The following SPEM1 variants were observed in gnomAD, a reference collection of about 807,000 sequenced individuals.
The protein encoded by SPEM1 is spermatid maturation 1, also known as spermatid maturation protein 1.
A neutral mutation model predicts 9.0 loss-of-function variants in SPEM1; 10 were observed. The ratio of observed to expected loss-of-function variants is 1.11; its 90% CI spans 0.68 to 1.88. SPEM1 has a LOEUF of 1.88. SPEM1 is among the 40% of genes most tolerant of loss of function. The pLI is 0.00. For missense variants in SPEM1, 401 were observed against 408.6 expected, an observed-to-expected ratio of 0.98 and a Z score of 0.16; for synonymous variants, 175 against 157.8, an observed-to-expected ratio of 1.11 and a Z score of -0.82.
In SPEM1 at chr17:7,420,950, A is replaced by G. The variant is rs1907370759; in HGVS notation, c.275A>G (p.His92Arg). The G allele has an allele frequency of 1.9e-6, 3 of 1,613,952 alleles. No homozygotes were observed. The highest frequency in any genetic ancestry group is 2.5e-6 in the Non-Finnish European group (3 of 1,180,018). Reference sequence around the variant, plus strand: ...AAGAAGCAGAGTTCTCCTGCAGTCCATCTTCGGTGCACCATGGACCCTGTG... The same window carrying G: ...AAGAAGCAGAGTTCTCCTGCAGTCCGTCTTCGGTGCACCATGGACCCTGTG... ...PPKKQSSPAV[H>R]LRCTMDPVMM... The change falls in exon 3 of 3, where the codon CAT becomes CGT. Residue 92 changes from histidine (H) to arginine (R), a missense_variant. His to Arg is a conservative substitution (Grantham distance 29). Transcript: ENST00000323675.
rs1223994025 is a variant in SPEM1, at chr17:7,421,067, A to G, written c.392A>G (p.Asp131Gly). 6.2e-7 allele frequency: 1 copy of G among 1,614,058 alleles called. No individual in the cohort carries two copies. The highest frequency in any genetic ancestry group is 1.7e-5 in the Admixed American group (1 of 60,012). Residue 131 changes from aspartate (D) to glycine (G), a missense_variant, in exon 3 of 3, where the codon GAC (aspartate) becomes GGC (glycine). Physicochemically the swap from Asp to Gly is moderately conservative, Grantham distance 94. Coordinates refer to ENST00000323675, the MANE Select transcript of SPEM1 (RefSeq NM_199339.3). This position sits in a 1 kb window ranked among gnomAD's most constrained non-coding sequence, Gnocchi z 4.8. Reference sequence around the variant, plus strand: ...CACTGCCCAGTAGCTTGGGCTCCTGACACTGATGACGAGAAGCCTCATCAG... The same window carrying G: ...CACTGCCCAGTAGCTTGGGCTCCTGGCACTGATGACGAGAAGCCTCATCAG... ...CAHCPVAWAPDTDDEKPHQYP... is the reference protein window; with the variant it reads ...CAHCPVAWAPGTDDEKPHQYP...
Position 7,421,263 on chromosome 17 carries a change from C to G in SPEM1, c.588C>G (p.Ser196=). 1 of 1,614,150 alleles carries G rather than the reference C, an allele frequency of 6.2e-7. No homozygotes were observed. Among genetic ancestry groups the G allele is most frequent in the Non-Finnish European group, 8.5e-7 (1 of 1,180,010 alleles). Residue 196 remains serine (S), a synonymous_variant, in exon 3 of 3, where the codon TCC becomes TCG. Transcript: ENST00000323675. This position sits in a 1 kb window ranked among gnomAD's most constrained non-coding sequence, Gnocchi z 4.8. ...EERPLKTGIW[S]ELGLRAYVYP... is the part of the protein sequence containing the mutation. Reference sequence around the variant, plus strand: ...GGCCCCTCAAAACAGGCATATGGTCCGAGCTGGGCCTAAGGGCCTATGTGT... The same window carrying G: ...GGCCCCTCAAAACAGGCATATGGTCGGAGCTGGGCCTAAGGGCCTATGTGT...
intron 2 of SPEM1, 29 bp from the exon 3 acceptor site, chr17:7,420,852 C>G (rs746863974): frequency 1.5e-5 from 24 of 1,609,678 alleles, no homozygotes; most frequent in African/African-American, 5.3e-5. Flanking sequence ...CTGGCCTCCC[C>G]ACTAGTCTCA....
In SPEM1 at chr17:7,420,659, A is replaced by C. The variant is rs758548323; in HGVS notation, c.177A>C (p.Gln59His). 2 of 1,613,972 alleles carry C rather than the reference A, an allele frequency of 1.2e-6. No homozygotes were observed. Among genetic ancestry groups the C allele is most frequent in the African/African-American group, 2.7e-5 (2 of 74,894 alleles). Residue 59 changes from glutamine (Q) to histidine (H), a missense_variant, in exon 2 of 3, where the codon CAA becomes CAC. Transcript: ENST00000323675. ...LWSRFRGVLY[Q>H]VFHDTICEKE... is the part of the protein sequence containing the mutation. ...GCCGATTCCGTGGTGTCTTATACCA[A>C]GTGTTCCATGATACCATTTGTGAGA...
Position 7,420,394 on chromosome 17 carries a change from G to A in SPEM1, c.10G>A (p.Val4Ile), listed in dbSNP as rs375684763. 7 of 1,533,222 alleles carry A rather than the reference G, an allele frequency of 4.6e-6. No individual in the cohort carries two copies. The highest frequency in any genetic ancestry group is 2.5e-5 in the South Asian group (2 of 80,742). The allele number at this position is 1,533,222 out of a possible 1,614,324, so 95.0% of individuals were successfully genotyped here. A position where few individuals can be genotyped will look rare whatever the true frequency, so the allele number is the denominator to read the frequency against. The part of the protein sequence containing the change: MAM[V>I]ERPRPEWASY... ...TGGTCCTAGGGACCCCATGGCCATG[G>A]TTGAGCGGCCGAGGCCCGAGTGGGC... The change falls in exon 1 of 3, where the codon GTT becomes ATT. Residue 4 changes from valine to isoleucine, a missense_variant. Coordinates refer to ENST00000323675, the MANE Select transcript of SPEM1 (RefSeq NM_199339.3).
rs1567665140 is a variant in SPEM1 at position 7,421,397 on chromosome 17, C to T, written c.722C>T (p.Pro241Leu). Residue 241 changes from proline to leucine, a missense_variant, in exon 3 of 3, where the codon CCC becomes CTC. Coordinates refer to ENST00000323675, the MANE Select transcript of SPEM1 (RefSeq NM_199339.3). This position sits in a 1 kb window ranked among gnomAD's most constrained non-coding sequence, Gnocchi z 4.8. ...GCTCAGTACCAGCCTGTCCCAGCTC[C>T]CACCCTGGGCCCAGCAGTCATCCCT... ...EAAQYQPVPA[P>L]TLGPAVIPEF... 1 of 1,607,088 alleles carries T rather than the reference C, an allele frequency of 6.2e-7. No individual in the cohort carries two copies. Among genetic ancestry groups the T allele is most frequent in the African/African-American group, 1.3e-5 (1 of 74,790 alleles).
chr17:7,421,301 C>T lies in SPEM1; in HGVS notation c.626C>T (p.Pro209Leu). The T allele has an allele frequency of 6.2e-7, 1 of 1,614,144 alleles. No homozygotes were observed. Among genetic ancestry groups the T allele is most frequent in the African/African-American group, 1.3e-5 (1 of 75,044 alleles). The change falls in exon 3 of 3, where the codon CCC (proline) becomes CTC (leucine). Residue 209 changes from proline to leucine, a missense_variant. Transcript: ENST00000323675. This position sits in a 1 kb window ranked among gnomAD's most constrained non-coding sequence, Gnocchi z 4.8. ...GLRAYVYPVN[P>L]PPPSPEAPSH... Reference sequence around the variant, plus strand: ...AGGGCCTATGTGTATCCTGTGAACCCCCCACCTCCCAGCCCTGAGGCTCCT... The same window carrying T: ...AGGGCCTATGTGTATCCTGTGAACCTCCCACCTCCCAGCCCTGAGGCTCCT...
At chr17:7,420,798 T>C (rs1907361610) in intron 2 of SPEM1, 83 bp from the exon 3 acceptor site, 1 of 1,601,004 alleles carries the variant, frequency 6.2e-7, no homozygotes, top group Non-Finnish European at 8.5e-7. Context: ...AACATAGCTG[T>C]GTGGCTGCCC....
chr17:7,421,302 C>T lies in SPEM1; in HGVS notation c.627C>T (p.Pro209=), dbSNP rs1266955473. Reference sequence around the variant, plus strand: ...GGGCCTATGTGTATCCTGTGAACCCCCCACCTCCCAGCCCTGAGGCTCCTA... The same window carrying T: ...GGGCCTATGTGTATCCTGTGAACCCTCCACCTCCCAGCCCTGAGGCTCCTA... ...GLRAYVYPVN[P]PPPSPEAPSH... Residue 209 remains proline, a synonymous_variant, in exon 3 of 3, where the codon CCC becomes CCT. Transcript: ENST00000323675. This position sits in a 1 kb window ranked among gnomAD's most constrained non-coding sequence, Gnocchi z 4.8. 1 of 1,614,160 alleles carries T rather than the reference C, an allele frequency of 6.2e-7. No homozygotes were observed. The highest frequency in any genetic ancestry group is 8.5e-7 in the Non-Finnish European group (1 of 1,180,024).
rs1010092328 is a variant in SPEM1 at position 7,421,210 on chromosome 17, A to G, written c.535A>G (p.Ile179Val). ...TGCCCCAGAGTCCCCTCCCCAGACCATCCGCTTCCAGCCTACCGTAGAGGA... is the reference window on the plus strand; with the variant it reads ...TGCCCCAGAGTCCCCTCCCCAGACCGTCCGCTTCCAGCCTACCGTAGAGGA... ...QDAPESPPQT[I>V]RFQPTVEERP... Residue 179 changes from isoleucine to valine, a missense_variant, in exon 3 of 3, where the codon ATC (isoleucine) becomes GTC (valine). By Grantham distance (29) the Ile-to-Val change is conservative. Coordinates refer to ENST00000323675, the MANE Select transcript of SPEM1 (RefSeq NM_199339.3). The surrounding 1 kb of genome is among the most constrained non-coding windows in gnomAD (Gnocchi z 4.8). The G allele has an allele frequency of 1.2e-6, 2 of 1,613,846 alleles. No homozygotes were observed. The highest frequency in any genetic ancestry group is 1.1e-5 in the South Asian group (1 of 91,080).
At chr17:7,420,757 C>A in intron 2 of SPEM1, 70 bp downstream of exon 2, 7 of 1,604,436 alleles carry the variant, frequency 4.4e-6, no homozygotes, top group African/African-American at 4.0e-5. Flanking sequence ...CCTAAATTAG[C>A]CCCTTCCCTT....
chr17:7,421,468 C>T lies in SPEM1; in HGVS notation c.793C>T (p.Arg265Trp), dbSNP rs758726059. The change falls in exon 3 of 3, where the codon CGG becomes TGG. Residue 265 changes from arginine (R) to tryptophan (W), a missense_variant. Arg to Trp is a moderately radical substitution (Grantham distance 101). Coordinates refer to ENST00000323675, the MANE Select transcript of SPEM1 (RefSeq NM_199339.3). This position sits in a 1 kb window ranked among gnomAD's most constrained non-coding sequence, Gnocchi z 4.8. ...RSSGRIVYDA[R>W]DMRRRLRELT... ...CTCAGGCCGAATAGTGTATGATGCC[C>T]GGGACATGAGACGGCGGCTTCGGGA... 3.1e-5 allele frequency: 50 copies of T among 1,612,352 alleles called. No homozygotes were observed. The highest frequency in any genetic ancestry group is 2.3e-4 in the South Asian group (21 of 90,880).
rs1391025463 is a variant in SPEM1, at chr17:7,421,171, C to G, written c.496C>G (p.Pro166Ala). ...CCAACACACTCAGGGGACCTGGGTT[C>G]CCTGGTCTCAGGATGCCCCAGAGTC... ...GFQHTQGTWV[P>A]WSQDAPESPP... The change falls in exon 3 of 3, where the codon CCC becomes GCC. Residue 166 changes from proline to alanine, a missense_variant. Coordinates refer to ENST00000323675, the MANE Select transcript of SPEM1 (RefSeq NM_199339.3). The surrounding 1 kb of genome is among the most constrained non-coding windows in gnomAD (Gnocchi z 4.8). 10 of 1,613,852 alleles carry G rather than the reference C, an allele frequency of 6.2e-6. No individual in the cohort carries two copies. The South Asian group carries it at 9.9e-5, about 16-fold the overall frequency.
At position 7,421,030 on chromosome 17, in the gene SPEM1, A is replaced by G; in HGVS notation, c.355A>G (p.Thr119Ala). 1 of 1,613,988 alleles carries G rather than the reference A, an allele frequency of 6.2e-7. No homozygotes were observed. Among genetic ancestry groups the G allele is most frequent in the African/African-American group, 1.3e-5 (1 of 75,004 alleles). ...CCGCCATCGCCGTCGAGGCTCTCCC[A>G]CACGCTGTGCTCACTGCCCAGTAGC... Reference protein sequence around the residue: ...AHRHRRRGSPTRCAHCPVAWA... With the variant: ...AHRHRRRGSPARCAHCPVAWA... Residue 119 changes from threonine to alanine, a missense_variant, in exon 3 of 3, where the codon ACA becomes GCA. By Grantham distance (58) the Thr-to-Ala change is moderately conservative. Transcript: ENST00000323675. This position sits in a 1 kb window ranked among gnomAD's most constrained non-coding sequence, Gnocchi z 4.8.
Position 7,420,489 on chromosome 17 carries a change from C to T in SPEM1, c.105C>T (p.Leu35=), listed in dbSNP as rs1315646038. The change falls in exon 1 of 3, where the codon CTC becomes CTT. Residue 35 remains leucine (L), a synonymous_variant. Coordinates refer to ENST00000323675, the MANE Select transcript of SPEM1 (RefSeq NM_199339.3). Reference sequence around the variant, plus strand: ...ACTCTGTCCTGTTGCTGCTGGGCCTCATCATCTGCATTAACATTAGCATCA... The same window carrying T: ...ACTCTGTCCTGTTGCTGCTGGGCCTTATCATCTGCATTAACATTAGCATCA... ...LGNSVLLLLG[L]IICINISINI... 11 of 1,612,078 alleles carry T rather than the reference C, an allele frequency of 6.8e-6. 1 individual carries two copies. The South Asian group carries it at 1.1e-4, about 16-fold the overall frequency.
At position 7,420,324 on chromosome 17, in the gene SPEM1, A is replaced by G. The variant is rs1284357896; in HGVS notation, c.-61A>G. Reference sequence around the variant, plus strand: ...GACCCTCAGGGACAGGCAGGCAGTCAGTGGACACTGTCGGCACGGTGGGCT... The same window carrying G: ...GACCCTCAGGGACAGGCAGGCAGTCGGTGGACACTGTCGGCACGGTGGGCT... On this transcript the variant is annotated 5_prime_UTR_variant, in exon 1 of 3. Coordinates refer to ENST00000323675, the MANE Select transcript of SPEM1 (RefSeq NM_199339.3). The G allele has an allele frequency of 1.1e-5, 16 of 1,456,958 alleles. No homozygotes were observed. The East Asian group carries it at 3.0e-4, about 27-fold the overall frequency. 90.3% of individuals were successfully genotyped at this position (1,456,958 alleles called of 1,614,324 possible).
Position 7,421,389 on chromosome 17 carries a change from C to T in SPEM1, c.714C>T (p.Val238=). 1 of 1,608,580 alleles carries T rather than the reference C, an allele frequency of 6.2e-7. No homozygotes were observed. The change falls in exon 3 of 3, where the codon GTC becomes GTT. Residue 238 remains valine (V), a synonymous_variant. Coordinates refer to ENST00000323675, the MANE Select transcript of SPEM1 (RefSeq NM_199339.3). The surrounding 1 kb of genome is among the most constrained non-coding windows in gnomAD (Gnocchi z 4.8). ...CAGAGGCGGCTCAGTACCAGCCTGT[C>T]CCAGCTCCCACCCTGGGCCCAGCAG... ...PEAEAAQYQP[V]PAPTLGPAVI... is the part of the protein sequence containing the mutation.
chr17:7,420,982 A>G lies in SPEM1; in HGVS notation c.307A>G (p.Thr103Ala), dbSNP rs1344927527. Reference sequence around the variant, plus strand: ...GTGCACCATGGACCCTGTGATGATGACTGTGTCCCCGCCCCCAGCTCACCG... The same window carrying G: ...GTGCACCATGGACCCTGTGATGATGGCTGTGTCCCCGCCCCCAGCTCACCG... Reference protein sequence around the residue: ...LRCTMDPVMMTVSPPPAHRHR... With the variant: ...LRCTMDPVMMAVSPPPAHRHR... Residue 103 changes from threonine to alanine, a missense_variant, in exon 3 of 3, where the codon ACT becomes GCT. Coordinates refer to ENST00000323675, the MANE Select transcript of SPEM1 (RefSeq NM_199339.3). 1 of 1,613,986 alleles carries G rather than the reference A, an allele frequency of 6.2e-7. No individual in the cohort carries two copies. The highest frequency in any genetic ancestry group is 1.3e-5 in the African/African-American group (1 of 74,982).
chr17:7,420,349 T>TG lies in SPEM1; in HGVS notation c.-31dup. 6.8e-7 allele frequency: 1 copy of TG among 1,471,992 alleles called. No homozygotes were observed. 91.2% of individuals were successfully genotyped at this position (1,471,992 alleles called of 1,614,324 possible). On this transcript the variant is annotated 5_prime_UTR_variant, in exon 1 of 3. Transcript: ENST00000323675. ...AGTGGACACTGTCGGCACGGTGGGC[T>TG]GGGGGCGTAAGGGCCCCGGTGGTCC...
Sources: allele counts gnomAD v4.1 joint callset, GRCh38; gene constraint gnomAD v4.1.1; non-coding constraint Gnocchi (gnomAD v3.1); transcripts MANE v1.5; gene names NCBI Gene and HGNC (gene_info 2026-07-23, HGNC 2026-07-21).